The following MRTFB variants were observed in gnomAD, a reference collection of about 807,000 sequenced individuals.
MRTFB encodes myocardin related transcription factor B.
A neutral mutation model predicts 104.2 loss-of-function variants in MRTFB; 29 were observed. The ratio of observed to expected loss-of-function variants is 0.28; its 90% confidence interval spans 0.21 to 0.38. MRTFB has a LOEUF of 0.38. Among genes scored for constraint, MRTFB ranks in the 10% least tolerant of loss-of-function variants. The pLI is 1.00. For synonymous variants in MRTFB, 535 were observed against 519.5 expected, an observed-to-expected ratio of 1.03 and a Z score of -0.41; for missense variants, 1,270 against 1,341.6, an observed-to-expected ratio of 0.95 and a Z score of 0.83.
chr16:14,072,662 G>T (rs1456548047), intron 1 of MRTFB, among the ~76,000 whole-genome samples: 1 of 152,176 alleles, frequency 6.6e-6, no homozygotes, highest in Non-Finnish European at 1.5e-5. Flanking sequence ...TCCAGCCTGG[G>T]CTACAGAGTG....
At chr16:14,189,047 A>G (rs888295157) in intron 3 of MRTFB, among the ~76,000 whole-genome samples, 2 of 152,026 alleles carry the variant, frequency 1.3e-5, no homozygotes, top group Admixed American at 1.3e-4. Context: ...CAGACTAAAT[A>G]TTTCTCCTCA....
At chr16:14,148,173 A>G (rs75574773) in intron 3 of MRTFB, among the ~76,000 whole-genome samples, 3,755 of 152,286 alleles carry the variant, frequency 0.025, 176 homozygotes, top group African/African-American at 0.086. Flanking sequence ...GATCAGTTAA[A>G]TAAGTATGAC....
At chr16:14,055,455 T>C in the MRTFB span, among the ~76,000 whole-genome samples, 2,147 of 152,368 alleles carry the variant, frequency 0.014, 24 homozygotes, top group Non-Finnish European at 0.018. Flanking sequence ...GACCTGTTTC[T>C]GTCCAGGAAC....
chr16:14,240,666 A>T (rs1452217729), intron 10 of MRTFB, 182 bp downstream of exon 10: 2 of 1,041,198 alleles, frequency 1.9e-6, no homozygotes, highest in East Asian at 4.7e-5. Flanking sequence ...CCTGCATTCC[A>T]TTCCAGTTTC....
At chr16:14,013,856 A>C in the MRTFB span, among the ~76,000 whole-genome samples, 2 of 152,044 alleles carry the variant, frequency 1.3e-5, no homozygotes, top group Admixed American at 1.3e-4. Flanking sequence ...TCTATTGGAA[A>C]CGCAGGTCTC....
intron 8 of MRTFB, among the ~76,000 whole-genome samples, chr16:14,224,522 C>T (rs745713202): frequency 1.3e-5 from 2 of 152,258 alleles, no homozygotes; most frequent in Admixed American, 6.5e-5. Context: ...CAAAGACACC[C>T]GCAGGAACGC....
the MRTFB span, among the ~76,000 whole-genome samples, chr16:14,002,156 G>C: frequency 5.3e-5 from 8 of 152,318 alleles, no homozygotes; most frequent in Non-Finnish European, 1.0e-4. Context: ...GCTGAGATGG[G>C]TGGATCACCT....
intron 16 of MRTFB, among the ~76,000 whole-genome samples, 190 bp from the exon 17 acceptor site, chr16:14,260,719 G>C (rs1381620387): frequency 6.6e-6 from 1 of 152,118 alleles, no homozygotes; most frequent in African/African-American, 2.4e-5. Context: ...TTATCTATTT[G>C]ACTAAAATGA....
At chr16:14,133,210 C>A (rs1191569275) in intron 2 of MRTFB, among the ~76,000 whole-genome samples, 5 of 152,182 alleles carry the variant, frequency 3.3e-5, no homozygotes, top group Admixed American at 3.3e-4. Flanking sequence ...CAAGAGATAG[C>A]CTTGACCCTG....
chr16:14,108,544 T>C (rs2036113847), intron 2 of MRTFB, among the ~76,000 whole-genome samples: 1 of 152,224 alleles, frequency 6.6e-6, no homozygotes, highest in Non-Finnish European at 1.5e-5. Context: ...ATGTGAGAGA[T>C]GGTCAAGTAA....
At chr16:14,132,765 A>G (rs2037503170) in intron 2 of MRTFB, among the ~76,000 whole-genome samples, 1 of 152,152 alleles carries the variant, frequency 6.6e-6, no homozygotes, top group South Asian at 2.1e-4. Flanking sequence ...CCTCTTGACC[A>G]GCTTTCTGGA....
chr16:14,157,474 T>G (rs1395858518), intron 3 of MRTFB, among the ~76,000 whole-genome samples: 3 of 152,232 alleles, frequency 2.0e-5, no homozygotes, highest in Non-Finnish European at 4.4e-5. Context: ...GCCTTGGGCC[T>G]AGTGGTTTAA....
the MRTFB span, among the ~76,000 whole-genome samples, chr16:14,027,625 T>C: frequency 6.6e-6 from 1 of 152,226 alleles, no homozygotes; most frequent in Non-Finnish European, 1.5e-5. Context: ...ACTGTGATTG[T>C]ATAAGATGTT....
intron 3 of MRTFB, among the ~76,000 whole-genome samples, chr16:14,145,622 A>G (rs548362736): frequency 1.4e-4 from 22 of 152,320 alleles, no homozygotes; most frequent in African/African-American, 4.1e-4. Flanking sequence ...AAGCAGCCAT[A>G]TTTAGGCAAT....
At chr16:14,122,268 C>T (rs1425062942) in intron 2 of MRTFB, among the ~76,000 whole-genome samples, 1 of 150,078 alleles carries the variant, frequency 6.7e-6, no homozygotes, top group African/African-American at 2.4e-5. Context: ...AGCGTAATTT[C>T]AGTGGAATTA....
At chr16:14,080,842 G>A (rs1007760772) in intron 2 of MRTFB, among the ~76,000 whole-genome samples, 10 of 152,140 alleles carry the variant, frequency 6.6e-5, no homozygotes, top group Admixed American at 1.3e-4. Flanking sequence ...CAGGATTTCC[G>A]TTTTTATAGT....
intron 3 of MRTFB, among the ~76,000 whole-genome samples, chr16:14,184,733 C>A (rs1197703267): frequency 6.6e-6 from 1 of 152,214 alleles, no homozygotes; most frequent in Admixed American, 6.5e-5. Context: ...CCATCAAAGT[C>A]ATGGCTTCTG....
chr16:14,089,740 CT>C (rs1280895642), intron 2 of MRTFB, among the ~76,000 whole-genome samples: 2 of 152,072 alleles, frequency 1.3e-5, no homozygotes, highest in Non-Finnish European at 2.9e-5. Context: ...GAAGGTGCAC[CT>C]TTTTTGTTCT....
At chr16:14,051,191 CACAGAG>C in the MRTFB span, among the ~76,000 whole-genome samples, 4 of 152,038 alleles carry the variant, frequency 2.6e-5, no homozygotes, top group African/African-American at 7.2e-5. Context: ...CAGAAACATT[CACAGAG>C]ACAGACACAG....
Sources: gnomAD v4.1 joint callset for allele counts (sites outside exome capture counted in the v4.1 genomes callset) on GRCh38, gnomAD v4.1.1 for gene constraint, MANE v1.5 for transcripts, NCBI Gene and HGNC (gene_info 2026-07-23, HGNC 2026-07-21) for gene names.